The following FBXL7 variants were observed in gnomAD, a reference collection of about 807,000 sequenced individuals.
The protein encoded by FBXL7 is F-box/LRR-repeat protein 7.
A neutral mutation model predicts 38.3 loss-of-function variants in FBXL7; 12 were observed. The ratio of observed to expected loss-of-function variants is 0.31; its 90% CI spans 0.20 to 0.51. The LOEUF is 0.51. FBXL7 is among the 20% of genes least tolerant of loss of function. FBXL7 has a pLI of 0.98. For synonymous variants in FBXL7, 297 were observed against 300.9 expected (o/e 0.99, Z 0.13); for missense variants, 567 against 676.4 (o/e 0.84, Z 1.79).
intron 1 of FBXL7, among the ~76,000 whole-genome samples, chr5:15,591,734 T>A (rs112182191): frequency 0.019 from 2,952 of 152,068 alleles, 88 homozygotes; most frequent in African/African-American, 0.066. Context: ...ACTTTTGAGA[T>A]GGAGTCTTGC....
At chr5:15,934,512 T>C (rs1435117125) in intron 3 of FBXL7, among the ~76,000 whole-genome samples, 4 of 152,008 alleles carry the variant, frequency 2.6e-5, no homozygotes, top group East Asian at 1.9e-4. Flanking sequence ...ATATAACTTA[T>C]GCATACATAT....
chr5:15,500,546 G>A lies in FBXL7; in HGVS notation c.-131G>A, dbSNP rs1736459310. On this transcript the variant is annotated 5_prime_UTR_variant, in exon 1 of 4. Coordinates refer to ENST00000504595, the MANE Select transcript of FBXL7 (RefSeq NM_012304.5). Reference sequence around the variant, plus strand: ...GTGCGGGGACCTCTCCAGGCCGGAGGTCGGCCCCGGAGCTTGGGGGGGATG... The same window carrying A: ...GTGCGGGGACCTCTCCAGGCCGGAGATCGGCCCCGGAGCTTGGGGGGGATG... 1 of 1,296,910 alleles carries A rather than the reference G, an allele frequency of 7.7e-7. No homozygotes were observed. Among genetic ancestry groups the A allele is most frequent in the South Asian group, 1.2e-5 (1 of 84,890 alleles). 80.3% of individuals were successfully genotyped at this position (1,296,910 alleles called of 1,614,324 possible).
intron 2 of FBXL7, among the ~76,000 whole-genome samples, chr5:15,890,091 A>G (rs1740837327): frequency 6.6e-6 from 1 of 152,056 alleles, no homozygotes; most frequent in Admixed American, 6.5e-5. Context: ...CAACTTTGGT[A>G]TCCTGTAAGG....
rs542899412 is a variant in FBXL7 at position 15,647,012 on chromosome 5, A to T, written c.127+30940A>T. ...TGGTCTTCAAGTATTAAATGGCATC[A>T]GCTAAAGTTCTCTGATTACCATTTC... is the stretch of plus-strand genomic sequence containing the variant. On this transcript the variant is annotated intron_variant, in intron 2 of 3. Transcript: ENST00000504595. Among the ~76,000 whole-genome samples, 95 of 152,334 alleles carry T rather than the reference A, an allele frequency of 6.2e-4. 1 individual carries two copies. The highest frequency in any genetic ancestry group is 2.2e-3 in the African/African-American group (91 of 41,582).
intron 2 of FBXL7, among the ~76,000 whole-genome samples, chr5:15,874,221 C>G (rs984329847): frequency 6.6e-6 from 1 of 152,114 alleles, no homozygotes; most frequent in African/African-American, 2.4e-5. Flanking sequence ...ATTCAACAGC[C>G]CTTCATGCTA....
intron 1 of FBXL7, among the ~76,000 whole-genome samples, chr5:15,586,613 G>T (rs1739315419): frequency 6.6e-6 from 1 of 151,994 alleles, no homozygotes; most frequent in Admixed American, 6.6e-5. Context: ...AAACTACTCA[G>T]AATTCCATCT....
intron 2 of FBXL7, among the ~76,000 whole-genome samples, chr5:15,791,961 G>A (rs1261605355): frequency 6.6e-6 from 1 of 152,134 alleles, no homozygotes; most frequent in Non-Finnish European, 1.5e-5. Context: ...ATTCCCAAGA[G>A]TGTCCCGTGA....
chr5:15,597,054 G>A (rs556842959), intron 1 of FBXL7, among the ~76,000 whole-genome samples: 5 of 152,294 alleles, frequency 3.3e-5, no homozygotes, highest in African/African-American at 1.2e-4. Flanking sequence ...GAGTGGGCTG[G>A]ACATGTGATT....
intron 2 of FBXL7, among the ~76,000 whole-genome samples, chr5:15,889,877 T>C (rs1031232122): frequency 2.0e-5 from 3 of 152,144 alleles, no homozygotes; most frequent in African/African-American, 4.8e-5. Flanking sequence ...GGACTAACAC[T>C]TGTAAGATAC....
At chr5:15,760,793 A>C (rs1036926030) in intron 2 of FBXL7, among the ~76,000 whole-genome samples, 4 of 152,162 alleles carry the variant, frequency 2.6e-5, no homozygotes, top group African/African-American at 9.7e-5. Context: ...AGTAGTAGTA[A>C]TGAGGACAAA....
At chr5:15,840,399 T>C (rs993977644) in intron 2 of FBXL7, among the ~76,000 whole-genome samples, 5 of 152,228 alleles carry the variant, frequency 3.3e-5, no homozygotes, top group Non-Finnish European at 7.3e-5. Context: ...TTAGCTTTAC[T>C]CTTTCATATG....
At chr5:15,598,260 T>G (rs547593021) in intron 1 of FBXL7, among the ~76,000 whole-genome samples, 87 of 152,316 alleles carry the variant, frequency 5.7e-4, no homozygotes, top group Non-Finnish European at 1.1e-3. Context: ...GTATAATGCT[T>G]CTTATTTCTA....
chr5:15,916,412 AT>A (rs999687440), intron 2 of FBXL7, among the ~76,000 whole-genome samples: 2 of 152,174 alleles, frequency 1.3e-5, no homozygotes, highest in Non-Finnish European at 2.9e-5. Flanking sequence ...TTGGGGAGTC[AT>A]TAGCTTATAG....
intron 1 of FBXL7, among the ~76,000 whole-genome samples, chr5:15,512,063 A>G (rs1413141689): frequency 3.3e-5 from 5 of 152,204 alleles, no homozygotes; most frequent in African/African-American, 4.8e-5. Context: ...TATTGGGAAG[A>G]TCAGAGAATC....
chr5:15,659,891 G>A (rs1273757370), intron 2 of FBXL7, among the ~76,000 whole-genome samples: 4 of 152,320 alleles, frequency 2.6e-5, no homozygotes, highest in Middle Eastern at 3.4e-3. Flanking sequence ...ATATTGTGGA[G>A]GAGAGATTGA....
intron 2 of FBXL7, among the ~76,000 whole-genome samples, chr5:15,639,335 G>A (rs1013477263): frequency 3.3e-5 from 5 of 152,146 alleles, no homozygotes; most frequent in Non-Finnish European, 7.4e-5. Context: ...ATTCCCAGGT[G>A]TTGTGGGAGG....
intron 2 of FBXL7, among the ~76,000 whole-genome samples, chr5:15,673,902 A>T (rs1047313545): frequency 2.0e-5 from 3 of 152,190 alleles, no homozygotes; most frequent in Non-Finnish European, 2.9e-5. Context: ...CTCAAAGACA[A>T]CTTACTGGAA....
At position 15,551,318 on chromosome 5, in the gene FBXL7, TTTGA is replaced by T. The variant is rs1738061836; in HGVS notation, c.37+50606_37+50609del. ...TTACTTTAGCTGTTAGGCAGCAACGTTTGAATAGTTCCCCTTTCAAGGCAGAAAG... is the reference window on the plus strand; with the variant it reads ...TTACTTTAGCTGTTAGGCAGCAACGTATAGTTCCCCTTTCAAGGCAGAAAG... On this transcript the variant is annotated intron_variant, in intron 1 of 3. Coordinates refer to ENST00000504595, the MANE Select transcript of FBXL7 (RefSeq NM_012304.5). Among the ~76,000 whole-genome samples the T allele has an allele frequency of 1.8e-4, 27 of 152,324 alleles. No individual in the cohort carries two copies. In the South Asian group the frequency reaches 5.2e-3, roughly 29 times the overall value.
intron 2 of FBXL7, among the ~76,000 whole-genome samples, chr5:15,699,484 C>T (rs549349919): frequency 1.3e-5 from 2 of 152,210 alleles, no homozygotes; most frequent in African/African-American, 4.8e-5. Flanking sequence ...GAGAACCCGT[C>T]GTATTGGATT....
Sources: gnomAD v4.1 joint callset for allele counts (sites outside exome capture counted in the v4.1 genomes callset) on GRCh38, gnomAD v4.1.1 for gene constraint, MANE v1.5 for transcripts, NCBI Gene and HGNC (gene_info 2026-07-23, HGNC 2026-07-21) for gene names.